The following WWOX variants were observed in gnomAD, a reference collection of about 807,000 sequenced individuals.
WWOX encodes WW domain containing oxidoreductase, also known as WW domain-containing oxidoreductase.
A neutral mutation model predicts 46.2 loss-of-function variants in WWOX; 69 were observed. The ratio of observed to expected loss-of-function variants is 1.49; its 90% CI spans 1.23 to 1.82. WWOX has a LOEUF of 1.82. Ranked by LOEUF, WWOX falls within the 40% of genes most tolerant of loss-of-function variation. WWOX has a pLI of 0.00. For synonymous variants in WWOX, 359 were observed against 202.6 expected (o/e 1.77, Z -6.56); for missense variants, 919 against 542.6 (o/e 1.69, Z -6.89).
intron 8 of WWOX, among the ~76,000 whole-genome samples, chr16:78,770,035 C>T (rs558064063): frequency 7.3e-5 from 11 of 151,496 alleles, no homozygotes; most frequent in Admixed American, 7.2e-4. Flanking sequence ...CAGAGTGAGA[C>T]CGTGTCTTTA....
At chr16:78,689,110 A>C (rs1321869912) in intron 8 of WWOX, among the ~76,000 whole-genome samples, 1 of 152,200 alleles carries the variant, frequency 6.6e-6, no homozygotes, top group Non-Finnish European at 1.5e-5. Flanking sequence ...ACAGACTAAT[A>C]CAGTCAGGGA....
At chr16:78,544,060 A>C (rs1469758684) in intron 8 of WWOX, among the ~76,000 whole-genome samples, 2 of 152,176 alleles carry the variant, frequency 1.3e-5, no homozygotes, top group African/African-American at 4.8e-5. Context: ...GAGTAGGAAA[A>C]GCCTAGCCAA....
In WWOX at chr16:78,823,684, T is replaced by A. The variant is rs1463993794; in HGVS notation, c.1057-387924T>A. Among the ~76,000 whole-genome samples, 8 of 152,184 alleles carry A rather than the reference T, an allele frequency of 5.3e-5. No individual in the cohort carries two copies. In the South Asian group the frequency reaches 1.7e-3, roughly 31 times the overall value. ...ACGTATCTGTGCAAATGTGTGCATT[T>A]AAGGCCCGCCGAGCCTGAGCTGATA... On this transcript the variant is annotated intron_variant, in intron 8 of 8. Coordinates refer to ENST00000566780, the MANE Select transcript of WWOX (RefSeq NM_016373.4).
intron 8 of WWOX, among the ~76,000 whole-genome samples, chr16:78,939,142 C>CA (rs1460674111): frequency 7.2e-5 from 11 of 152,172 alleles, no homozygotes; most frequent in African/African-American, 2.7e-4. Context: ...GGCTCGAAGT[C>CA]ACGTCCATGT....
At chr16:78,170,975 A>G (rs572374283) in intron 5 of WWOX, among the ~76,000 whole-genome samples, 5 of 152,342 alleles carry the variant, frequency 3.3e-5, no homozygotes, top group Middle Eastern at 3.4e-3. Context: ...AATAGAGTTG[A>G]TATCGGGTCT....
At chr16:78,680,917 C>T (rs914732152) in intron 8 of WWOX, among the ~76,000 whole-genome samples, 1 of 152,164 alleles carries the variant, frequency 6.6e-6, no homozygotes, top group South Asian at 2.1e-4. Flanking sequence ...TTGAGACCAG[C>T]CTGGGTAACA....
intron 8 of WWOX, among the ~76,000 whole-genome samples, chr16:78,516,410 AGAT>A (rs1317153037): frequency 6.6e-6 from 1 of 152,202 alleles, no homozygotes; most frequent in African/African-American, 2.4e-5. Flanking sequence ...TCCATACTAC[AGAT>A]ATTCTGTTAT....
intron 8 of WWOX, among the ~76,000 whole-genome samples, chr16:78,529,771 G>C (rs2043575449): frequency 1.3e-5 from 2 of 152,080 alleles, no homozygotes; most frequent in Non-Finnish European, 2.9e-5. Context: ...CCAGCCCTCA[G>C]AGTGTTTTAA....
chr16:79,110,303 C>T (rs192151551), intron 8 of WWOX, among the ~76,000 whole-genome samples: 10 of 152,224 alleles, frequency 6.6e-5, no homozygotes, highest in Admixed American at 2.0e-4. Context: ...ACCTCTTCTC[C>T]TCTTACCTTT....
intron 8 of WWOX, among the ~76,000 whole-genome samples, chr16:78,816,266 C>G (rs1341895798): frequency 2.0e-5 from 3 of 152,158 alleles, no homozygotes; most frequent in Admixed American, 6.5e-5. Flanking sequence ...CTTTTCTTTT[C>G]TAGCATTTGA....
At chr16:78,956,728 C>G (rs985033883) in intron 8 of WWOX, among the ~76,000 whole-genome samples, 11 of 152,012 alleles carry the variant, frequency 7.2e-5, no homozygotes, top group Non-Finnish European at 1.5e-5. Flanking sequence ...TTTTGAGTTT[C>G]AAAAGTGTGC....
intron 8 of WWOX, among the ~76,000 whole-genome samples, chr16:79,062,817 C>T (rs996251278): frequency 2.6e-5 from 4 of 152,106 alleles, no homozygotes; most frequent in African/African-American, 9.7e-5. Flanking sequence ...TTGAACAGTG[C>T]TTGAGAGTAT....
At chr16:78,408,107 A>G (rs1295771919) in intron 6 of WWOX, among the ~76,000 whole-genome samples, 3 of 152,038 alleles carry the variant, frequency 2.0e-5, no homozygotes, top group Admixed American at 6.6e-5. Flanking sequence ...TTGAAACCCC[A>G]CTTCCAAGTT....
intron 8 of WWOX, among the ~76,000 whole-genome samples, chr16:79,155,599 C>T (rs979779368): frequency 1.3e-5 from 2 of 151,998 alleles, no homozygotes; most frequent in African/African-American, 4.8e-5. Context: ...AGAGCCAATC[C>T]CTCATCTCCA....
At chr16:78,888,895 C>T (rs1039756599) in intron 8 of WWOX, among the ~76,000 whole-genome samples, 3 of 152,084 alleles carry the variant, frequency 2.0e-5, no homozygotes, top group Non-Finnish European at 2.9e-5. Context: ...AATTTCTCTT[C>T]CATTCCTCAC....
intron 8 of WWOX, among the ~76,000 whole-genome samples, chr16:78,755,312 A>T (rs1379265752): frequency 6.6e-6 from 1 of 152,112 alleles, no homozygotes; most frequent in African/African-American, 2.4e-5. Context: ...GGAATTGGAG[A>T]ATGTCTTGTA....
At chr16:78,912,382 C>G (rs371664141) in intron 8 of WWOX, among the ~76,000 whole-genome samples, 1 of 152,026 alleles carries the variant, frequency 6.6e-6, no homozygotes, top group Non-Finnish European at 1.5e-5. Flanking sequence ...TTGCACATGA[C>G]AAATCTGAGG....
chr16:79,184,499 A>G (rs995933460), intron 8 of WWOX, among the ~76,000 whole-genome samples: 1 of 152,122 alleles, frequency 6.6e-6, no homozygotes, highest in Non-Finnish European at 1.5e-5. Context: ...AAAGCACAAG[A>G]CAAACTCTTG....
intron 8 of WWOX, among the ~76,000 whole-genome samples, chr16:79,049,260 C>G (rs1267329056): frequency 1.3e-5 from 2 of 152,236 alleles, no homozygotes; most frequent in African/African-American, 2.4e-5. Context: ...TTTACAAAAA[C>G]AAGAGGAGGG....
Sources: allele counts gnomAD v4.1 joint callset (sites outside exome capture counted in the v4.1 genomes callset), GRCh38; gene constraint gnomAD v4.1.1; transcripts MANE v1.5; gene names NCBI Gene and HGNC (gene_info 2026-07-23, HGNC 2026-07-21).